BRF1: variants seen among roughly 807,000 people sequenced by gnomAD.
The protein encoded by BRF1 is transcription factor IIIB 90 kDa subunit.
BRF1 carries 59 observed loss-of-function variants against 81.7 expected under a neutral mutation model. The observed-to-expected ratio is 0.72, with a 90% CI of 0.59 to 0.90. The LOEUF (loss-of-function observed/expected upper bound fraction) is 0.90, where lower values mean the gene tolerates loss of function less well. Ranked by LOEUF, BRF1 falls within the 40% of genes least tolerant of loss-of-function variation. BRF1 has a pLI of 0.00. For synonymous variants in BRF1, 491 were observed against 395.6 expected (o/e 1.24, Z -2.86); for missense variants, 1,050 against 936.3 (o/e 1.12, Z -1.58).
In BRF1 at chr14:105,272,899, GAC is replaced by G. The variant is rs765929425; in HGVS notation, c.266-7_266-6del. 6.0e-5 allele frequency: 96 copies of G among 1,600,426 alleles called. No homozygotes were observed. Among genetic ancestry groups the G allele is most frequent in the Non-Finnish European group, 7.7e-5 (90 of 1,170,136 alleles). On this transcript the variant is annotated splice_polypyrimidine_tract_variant and splice_region_variant and intron_variant, in intron 2 of 17. Transcript: ENST00000547530. ...GGTGGTGGATGTGGCGCCTCCCTAG[GAC>G]ACAGCACGAGGCAGCTCTTAGCCAA... is the stretch of plus-strand genomic sequence containing the variant.
chr14:105,219,950 C>G, intron 12 of BRF1, 119 bp downstream of exon 12: 4 of 1,103,472 alleles, frequency 3.6e-6, no homozygotes, highest in Non-Finnish European at 5.3e-6. Context: ...GCCCACTTCA[C>G]CCAGCGGGGT....
chr14:105,217,953 CA>C (rs1891607851), intron 14 of BRF1, among the ~76,000 whole-genome samples, 153 bp from the exon 15 acceptor site: 1 of 152,228 alleles, frequency 6.6e-6, no homozygotes, highest in Admixed American at 6.5e-5. Context: ...GAATGTGGGC[CA>C]GCCTGGTGCT....
chr14:105,315,014 C>T lies in BRF1; in HGVS notation c.-162+308G>A, dbSNP rs1595538340. The T allele has an allele frequency of 2.4e-6, 3 of 1,239,940 alleles. No homozygotes were observed. The highest frequency in any genetic ancestry group is 3.1e-6 in the Non-Finnish European group (3 of 972,438). 76.8% of individuals were successfully genotyped at this position (1,239,940 alleles called of 1,614,324 possible). A position where few individuals can be genotyped will look rare whatever the true frequency, so the allele number is the denominator to read the frequency against. The stretch of plus-strand genomic sequence containing the variant: ...TGTTCGCCACCTGGGAGGTGGACGG[C>T]TCCAGCCCCAGCTGCGTGCCCAGGT... On this transcript the variant is annotated intron_variant, in intron 1 of 17. Transcript: ENST00000327359. This position sits in a 1 kb window ranked among gnomAD's most constrained non-coding sequence, Gnocchi z 4.4.
rs1315367857 is a variant in BRF1, at chr14:105,228,859, A to T, written c.749T>A (p.Ile250Asn). ...HDFRRTVKEV[I>N]SVVKVCESTL... The stretch of plus-strand genomic sequence containing the variant: ...GGACTCACACACTTTGACCACACTG[A>T]TGACCTCCTTCACAGTCCTCCTGAA... The change falls in exon 7 of 18, where the codon ATC (isoleucine) becomes AAC (asparagine). Residue 250 changes from isoleucine (I) to asparagine (N), a missense_variant. Physicochemically the swap from Ile to Asn is moderately radical, Grantham distance 149 (BLOSUM62 -3). Coordinates refer to ENST00000547530, the MANE Select transcript of BRF1 (RefSeq NM_001519.4). The T allele has an allele frequency of 6.2e-7, 1 of 1,613,892 alleles. No individual in the cohort carries two copies. Among genetic ancestry groups the T allele is most frequent in the Admixed American group, 1.7e-5 (1 of 60,014 alleles).
chr14:105,296,695 A>G (rs2057761395), intron 1 of BRF1, among the ~76,000 whole-genome samples: 1 of 151,856 alleles, frequency 6.6e-6, no homozygotes, highest in African/African-American at 2.4e-5. Flanking sequence ...AAAAAAGAAA[A>G]AAAAAAAAAA....
chr14:105,250,680 G>C (rs767993703), intron 5 of BRF1: 5 of 1,598,200 alleles, frequency 3.1e-6, no homozygotes, highest in African/African-American at 2.7e-5. Flanking sequence ...TGAGGTGCCC[G>C]GGGAGGCTGC....
chr14:105,269,058 G>A lies in BRF1; in HGVS notation c.439+3663C>T, dbSNP rs1461152677. Among the ~76,000 whole-genome samples the A allele has an allele frequency of 6.6e-6, 1 of 152,186 alleles. No homozygotes were observed. The highest frequency in any genetic ancestry group is 2.4e-5 in the African/African-American group (1 of 41,444). Reference sequence around the variant, plus strand: ...AATGCAGGTCAGCAGGGAGGGAGAAGGCACAGGGGCAGGAGAAAACAAGGA... The same window carrying A: ...AATGCAGGTCAGCAGGGAGGGAGAAAGCACAGGGGCAGGAGAAAACAAGGA... On this transcript the variant is annotated intron_variant, in intron 3 of 17. Transcript: ENST00000547530. This position sits in a 1 kb window ranked among gnomAD's most constrained non-coding sequence, Gnocchi z 5.0.
intron 15 of BRF1, chr14:105,217,269 C>T (rs1351576720): frequency 1.7e-6 from 1 of 574,520 alleles, no homozygotes; most frequent in Non-Finnish European, 3.1e-6. Context: ...ACGGATTGTC[C>T]CAGCCCCTCC....
chr14:105,249,961 C>T (rs1379490910), intron 5 of BRF1: 8 of 1,612,072 alleles, frequency 5.0e-6, no homozygotes, highest in Admixed American at 1.7e-5. Flanking sequence ...CGGTGGTCTT[C>T]GAGGCCGTCC....
At position 105,249,042 on chromosome 14, in the gene BRF1, G is replaced by C. The variant is rs1172100382; in HGVS notation, c.544+3465C>G. ...GCCCACACTCGGCAACAACCACCAGGAGAGCCCCGGCTGGCGGTGCTGCCG... is the reference window on the plus strand; with the variant it reads ...GCCCACACTCGGCAACAACCACCAGCAGAGCCCCGGCTGGCGGTGCTGCCG... On this transcript the variant is annotated intron_variant, in intron 5 of 17. Coordinates refer to ENST00000547530, the MANE Select transcript of BRF1 (RefSeq NM_001519.4). 7.1e-6 allele frequency: 9 copies of C among 1,271,468 alleles called. No homozygotes were observed. The highest frequency in any genetic ancestry group is 8.9e-6 in the Non-Finnish European group (9 of 1,016,836). The allele number at this position is 1,271,468 out of a possible 1,614,324, so 78.8% of individuals were successfully genotyped here. A position where few individuals can be genotyped will look rare whatever the true frequency, so the allele number is the denominator to read the frequency against.
At chr14:105,273,887 C>T (rs993053842) in intron 2 of BRF1, among the ~76,000 whole-genome samples, 4 of 152,306 alleles carry the variant, frequency 2.6e-5, no homozygotes, top group Admixed American at 1.3e-4. Context: ...TCCCCCAGCC[C>T]GACACCCGTG....
chr14:105,314,246 C>T (rs2058446376), intron 1 of BRF1, among the ~76,000 whole-genome samples: 1 of 146,308 alleles, frequency 6.8e-6, no homozygotes, highest in Non-Finnish European at 1.5e-5. Context: ...CAGCGGGGGT[C>T]GGCAGGAGAC....
intron 15 of BRF1, among the ~76,000 whole-genome samples, chr14:105,213,822 G>A (rs1475718285): frequency 6.6e-6 from 1 of 152,200 alleles, no homozygotes; most frequent in Non-Finnish European, 1.5e-5. Context: ...TAGTGTTCAT[G>A]AGTGCAGAAC....
At chr14:105,248,150 T>A (rs777315901) in intron 5 of BRF1, 4 of 985,360 alleles carry the variant, frequency 4.1e-6, no homozygotes, top group Non-Finnish European at 4.8e-6. Context: ...CAGAGCAGAG[T>A]GGACCGCGCT....
In BRF1 at chr14:105,248,094, C is replaced by T. The variant is rs889622650; in HGVS notation, c.544+4413G>A. On this transcript the variant is annotated intron_variant, in intron 5 of 17. Coordinates refer to ENST00000547530, the MANE Select transcript of BRF1 (RefSeq NM_001519.4). ...ACTAACCTCTCTGTGCCTATTTCCT[C>T]GAGGAAAATGCCGGGAAATAGCAGC... is the stretch of plus-strand genomic sequence containing the variant. 5 of 985,344 alleles carry T rather than the reference C, an allele frequency of 5.1e-6. No homozygotes were observed. In the African/African-American group the frequency reaches 8.7e-5, roughly 17 times the overall value. The allele number at this position is 985,344 out of a possible 1,614,324, so 61.0% of individuals were successfully genotyped here. A position where few individuals can be genotyped will look rare whatever the true frequency, so the allele number is the denominator to read the frequency against.
intron 15 of BRF1, among the ~76,000 whole-genome samples, chr14:105,215,583 G>A (rs1352716895): frequency 3.5e-5 from 5 of 141,714 alleles, no homozygotes; most frequent in Non-Finnish European, 7.7e-5. Context: ...CAGGCACACA[G>A]ACACAGGCGC....
chr14:105,259,882 G>A lies in BRF1; in HGVS notation c.440-3333C>T, dbSNP rs587632828. ...CTGAGATGGAACCATACTGCACTCAGCCTGGGCGACAGAGCTACATTCTGT... is the reference window on the plus strand; with the variant it reads ...CTGAGATGGAACCATACTGCACTCAACCTGGGCGACAGAGCTACATTCTGT... On this transcript the variant is annotated intron_variant, in intron 3 of 17. Coordinates refer to ENST00000547530, the MANE Select transcript of BRF1 (RefSeq NM_001519.4). Among the ~76,000 whole-genome samples the A allele has an allele frequency of 1.2e-4, 19 of 152,256 alleles. No individual in the cohort carries two copies. In the South Asian group the frequency reaches 3.7e-3, roughly 30 times the overall value.
chr14:105,254,750 C>T lies in BRF1; in HGVS notation c.471+1768G>A, dbSNP rs587651766. ...CTAATTTTTGTATTTTTAGTAGAGACGGGGTTTCACCATGTTGGCCAGGCT... is the reference window on the plus strand; with the variant it reads ...CTAATTTTTGTATTTTTAGTAGAGATGGGGTTTCACCATGTTGGCCAGGCT... On this transcript the variant is annotated intron_variant, in intron 4 of 17. Coordinates refer to ENST00000547530, the MANE Select transcript of BRF1 (RefSeq NM_001519.4). Among the ~76,000 whole-genome samples the T allele has an allele frequency of 7.6e-4, 116 of 151,680 alleles. 1 individual carries two copies. Among genetic ancestry groups the T allele is most frequent in the Admixed American group, 1.6e-3 (24 of 15,242 alleles).
intron 14 of BRF1, 134 bp from the exon 15 acceptor site, chr14:105,217,934 C>G (rs1652444354): frequency 1.4e-6 from 2 of 1,384,862 alleles, no homozygotes; most frequent in Admixed American, 4.6e-5. Context: ...CTCCTGCCTC[C>G]TCCCCCCAGA....
Sources: allele counts gnomAD v4.1 joint callset (sites outside exome capture counted in the v4.1 genomes callset), GRCh38; gene constraint gnomAD v4.1.1; non-coding constraint Gnocchi (gnomAD v3.1); transcripts MANE v1.5; gene names NCBI Gene and HGNC (gene_info 2026-07-23, HGNC 2026-07-21).